Variants in RPTOR observed in about 807,000 individuals in gnomAD.
The protein encoded by RPTOR is regulatory-associated protein of mTOR.
RPTOR carries 21 observed loss-of-function variants against 169.9 expected under a neutral mutation model. The observed-to-expected ratio is 0.12, with a 90% CI of 0.09 to 0.18. The LOEUF is 0.18. Among genes scored for constraint, RPTOR ranks in the 10% least tolerant of loss-of-function variants. RPTOR has a pLI of 1.00. For synonymous variants in RPTOR, 732 were observed against 753.2 expected, an observed-to-expected ratio of 0.97 and a Z score of 0.46; for missense variants, 1,133 against 1,855.9, an observed-to-expected ratio of 0.61 and a Z score of 7.16.
At chr17:80,556,128 T>G (rs12950400) in intron 1 of RPTOR, among the ~76,000 whole-genome samples, 93,664 of 151,432 alleles carry the variant, frequency 0.62, 29,753 homozygotes, top group Middle Eastern at 0.72. Flanking sequence ...TGGCCTTACA[T>G]GTGGCCACAC....
chr17:80,843,755 C>T (rs944187367), intron 10 of RPTOR, among the ~76,000 whole-genome samples: 2 of 152,152 alleles, frequency 1.3e-5, no homozygotes, highest in East Asian at 1.9e-4. Context: ...GTGAGAAAGG[C>T]GGCAGGTATG....
chr17:80,735,424 G>A (rs2143225574), intron 5 of RPTOR, among the ~76,000 whole-genome samples: 1 of 152,320 alleles, frequency 6.6e-6, no homozygotes, highest in South Asian at 2.1e-4. Context: ...GAGAAAAAAA[G>A]AGAATTCAAA....
rs552992833 is a variant in RPTOR at position 80,727,513 on chromosome 17, G to A, written c.508-3047G>A. Among the ~76,000 whole-genome samples, 45 of 150,152 alleles carry A rather than the reference G, an allele frequency of 3.0e-4. No homozygotes were observed. The South Asian group carries it at 9.0e-3, about 30-fold the overall frequency. On this transcript the variant is annotated intron_variant, in intron 4 of 33. Coordinates refer to ENST00000306801, the MANE Select transcript of RPTOR (RefSeq NM_020761.3). ...TCTGACCACATCATGCTCTGAGAAC[G>A]TGGACGCTGCACCTCTGATCATGTC...
chr17:80,628,819 G>A (rs538473330), intron 2 of RPTOR, among the ~76,000 whole-genome samples: 3 of 152,268 alleles, frequency 2.0e-5, no homozygotes, highest in African/African-American at 7.2e-5. Context: ...CTTCTTGGAT[G>A]TGTAGTTTGA....
At chr17:80,640,620 G>C (rs1567834574) in intron 2 of RPTOR, among the ~76,000 whole-genome samples, 1 of 152,220 alleles carries the variant, frequency 6.6e-6, no homozygotes, top group Non-Finnish European at 1.5e-5. Context: ...GGCAGGGAGA[G>C]TGGGGCCCCT....
intron 4 of RPTOR, among the ~76,000 whole-genome samples, chr17:80,713,426 G>A (rs977399303): frequency 2.6e-5 from 4 of 152,124 alleles, no homozygotes; most frequent in Non-Finnish European, 5.9e-5. Context: ...TTTCCTAGTA[G>A]TGGATGTTCG....
In RPTOR at chr17:80,620,150, C is replaced by T. The variant is rs115587282; in HGVS notation, c.163-5541C>T. 3.0e-3 allele frequency among the ~76,000 whole-genome samples: 450 copies of T among 152,308 alleles called. 2 individuals are homozygous for T. The highest frequency in any genetic ancestry group is 9.9e-3 in the African/African-American group (413 of 41,552). On this transcript the variant is annotated intron_variant, in intron 1 of 33. Coordinates refer to ENST00000306801, the MANE Select transcript of RPTOR (RefSeq NM_020761.3). ...GAGGGATTGAAATTTACCGTCATGT[C>T]CAAGGCCATGCATTGTTAGTGAGCA...
At chr17:80,855,214 G>A (rs1204591131) in intron 11 of RPTOR, among the ~76,000 whole-genome samples, 1 of 152,220 alleles carries the variant, frequency 6.6e-6, no homozygotes, top group African/African-American at 2.4e-5. Flanking sequence ...TGCAATTAAA[G>A]CATGTTTGTT....
chr17:80,782,458 G>A (rs1387525366), intron 6 of RPTOR, among the ~76,000 whole-genome samples: 1 of 151,652 alleles, frequency 6.6e-6, no homozygotes, highest in African/African-American at 2.4e-5. Flanking sequence ...CTACATCCCC[G>A]ACAAGAATAA....
chr17:80,798,404 T>C (rs769074863), intron 7 of RPTOR, among the ~76,000 whole-genome samples: 1 of 152,094 alleles, frequency 6.6e-6, no homozygotes, highest in African/African-American at 2.4e-5. Flanking sequence ...ACAAAACCTT[T>C]TGAGTTTTTG....
At position 80,674,029 on chromosome 17, in the gene RPTOR, G is replaced by A. The variant is rs147552922; in HGVS notation, c.348+30219G>A. 6.0e-4 allele frequency among the ~76,000 whole-genome samples: 92 copies of A among 152,302 alleles called. No homozygotes were observed. The East Asian group carries it at 0.016, about 27-fold the overall frequency. On this transcript the variant is annotated intron_variant, in intron 3 of 33. Coordinates refer to ENST00000306801, the MANE Select transcript of RPTOR (RefSeq NM_020761.3). ...ATTAATTGTCCACTTGAAAACTACT[G>A]ATTTCTTTGGTGCATTGCCCCCATC...
chr17:80,598,925 T>TATCTATCTATCC (rs2065165760), intron 1 of RPTOR, among the ~76,000 whole-genome samples: 1 of 151,792 alleles, frequency 6.6e-6, no homozygotes, highest in African/African-American at 2.4e-5. Context: ...TCTATCTATC[T>TATCTATCTATCC]ATCTTTTTGA....
intron 1 of RPTOR, chr17:80,602,829 A>G (rs1401555079): frequency 2.2e-5 from 14 of 624,772 alleles, no homozygotes; most frequent in Non-Finnish European, 4.1e-5. Flanking sequence ...CACTCCGTGG[A>G]CGCGCTGGTG....
chr17:80,569,573 A>G (rs575692381), intron 1 of RPTOR, among the ~76,000 whole-genome samples: 1 of 152,318 alleles, frequency 6.6e-6, no homozygotes, highest in African/African-American at 2.4e-5. Flanking sequence ...AAGCAGGTCT[A>G]GGTCAGGATT....
At chr17:80,847,151 G>A (rs760165007) in intron 11 of RPTOR, among the ~76,000 whole-genome samples, 2 of 152,264 alleles carry the variant, frequency 1.3e-5, no homozygotes, top group Non-Finnish European at 2.9e-5. Flanking sequence ...TCCCTTGCAC[G>A]GGGCTGTCAC....
chr17:80,757,090 C>G (rs1225801565), intron 6 of RPTOR, among the ~76,000 whole-genome samples: 2 of 151,926 alleles, frequency 1.3e-5, no homozygotes, highest in Non-Finnish European at 2.9e-5. Flanking sequence ...GGGAAAGGGT[C>G]GAGATGGGAA....
intron 6 of RPTOR, among the ~76,000 whole-genome samples, chr17:80,784,206 G>A (rs1360321370): frequency 1.3e-5 from 2 of 150,698 alleles, no homozygotes; most frequent in African/African-American, 4.9e-5. Context: ...CTCCTGCCTT[G>A]GGCTCCCAGA....
At chr17:80,932,103 CTT>C (rs1178565637) in intron 24 of RPTOR, among the ~76,000 whole-genome samples, 1 of 151,634 alleles carries the variant, frequency 6.6e-6, no homozygotes, top group Non-Finnish European at 1.5e-5. Flanking sequence ...TGACTGAACT[CTT>C]TAACAGTCTA....
At position 80,609,110 on chromosome 17, in the gene RPTOR, C is replaced by T. The variant is rs1360731032; in HGVS notation, c.163-16581C>T. Among the ~76,000 whole-genome samples, 1 of 152,144 alleles carries T rather than the reference C, an allele frequency of 6.6e-6. No individual in the cohort carries two copies. Among genetic ancestry groups the T allele is most frequent in the Non-Finnish European group, 1.5e-5 (1 of 68,014 alleles). The stretch of plus-strand genomic sequence containing the variant: ...CAGATCCAGGGAAGCATGGAGAGCA[C>T]AGCGCGACCCGTGTGGAGAGGGCAT... On this transcript the variant is annotated intron_variant, in intron 1 of 33. Transcript: ENST00000306801. This position sits in a 1 kb window ranked among gnomAD's most constrained non-coding sequence, Gnocchi z 4.8.
Sources: allele counts gnomAD v4.1 joint callset (sites outside exome capture counted in the v4.1 genomes callset), GRCh38; gene constraint gnomAD v4.1.1; non-coding constraint Gnocchi (gnomAD v3.1); transcripts MANE v1.5; gene names NCBI Gene and HGNC (gene_info 2026-07-23, HGNC 2026-07-21).